Variants in MAMLD1 observed in about 807,000 individuals in gnomAD.
The protein encoded by MAMLD1 is mastermind-like domain-containing protein 1.
Under a neutral mutation model 45.0 loss-of-function variants are expected in MAMLD1, and 14 were observed. The observed-to-expected ratio is 0.31, with a 90% confidence interval of 0.21 to 0.49. The LOEUF is 0.49. Ranked by LOEUF, MAMLD1 falls within the 20% of genes least tolerant of loss-of-function variation. MAMLD1 has a pLI of 0.99. For synonymous variants in MAMLD1, 254 were observed against 247.8 expected (o/e 1.02, Z -0.24); for missense variants, 543 against 603.6 (o/e 0.90, Z 1.05).
chrX:150,392,971 T>C (rs1369070803), intron 1 of MAMLD1, among the ~76,000 whole-genome samples: 4 of 110,581 alleles, frequency 3.6e-5, no homozygotes, highest in African/African-American at 1.3e-4. Context: ...TCACCCAAAG[T>C]CCATAGTCTA....
rs1309995659 is a variant in MAMLD1, at chrX:150,482,026, AAGAAAG to A, written c.2040+8226_2040+8231del. Among the ~76,000 whole-genome samples, 110 of 109,414 alleles carry A rather than the reference AAGAAAG, an allele frequency of 1.0e-3. 1 individual carries two copies. The highest frequency in any genetic ancestry group is 3.4e-3 in the African/African-American group (101 of 29,760). On this transcript the variant is annotated intron_variant, in intron 5 of 7. Transcript: ENST00000370401. ...AAAGAAAGAAAGAAAGAAAGAAAGA[AAGAAAG>A]AATTGAAAGCAGGGGCTCAACCAGT...
chrX:150,494,121 C>A lies in MAMLD1; in HGVS notation c.2041-9153C>A, dbSNP rs1250778830. ...ATAAGGAAGTAAAAAATGGGCCGGG[C>A]ACGGTGGCTCAAGCCTGTAATCCCA... On this transcript the variant is annotated intron_variant, in intron 5 of 7. Transcript: ENST00000370401. 3.6e-5 allele frequency among the ~76,000 whole-genome samples: 4 copies of A among 111,911 alleles called. No homozygotes were observed. The Admixed American group carries it at 3.8e-4, about 11-fold the overall frequency.
chrX:150,369,609 C>T (rs1212386577), intron 1 of MAMLD1, among the ~76,000 whole-genome samples: 4 of 112,425 alleles, frequency 3.6e-5, no homozygotes, highest in Non-Finnish European at 7.5e-5. Context: ...TCCAGTACTC[C>T]TATTGATGGC....
At chrX:150,458,553 C>G (rs1158574982) in intron 2 of MAMLD1, among the ~76,000 whole-genome samples, 1 of 111,607 alleles carries the variant, frequency 9.0e-6, no homozygotes, top group Non-Finnish European at 1.9e-5. Flanking sequence ...AGCTTCAGTC[C>G]CAAAACTAGA....
At chrX:150,441,163 A>G (rs975677904) in intron 1 of MAMLD1, among the ~76,000 whole-genome samples, 20 of 107,951 alleles carry the variant, frequency 1.9e-4, no homozygotes, top group Non-Finnish European at 3.4e-4. Flanking sequence ...TGGGGTGTCC[A>G]TTATCGCTAA....
At chrX:150,472,952 C>A (rs2036473939) in intron 4 of MAMLD1, among the ~76,000 whole-genome samples, 1 of 111,597 alleles carries the variant, frequency 9.0e-6, no homozygotes, top group Non-Finnish European at 1.9e-5. Flanking sequence ...ATACAGTTGA[C>A]CCTTAACTGG....
intron 1 of MAMLD1, among the ~76,000 whole-genome samples, chrX:150,382,065 C>G (rs1557401693): frequency 2.7e-5 from 3 of 110,837 alleles, no homozygotes; most frequent in Admixed American, 1.9e-4. Flanking sequence ...GAACTCTACC[C>G]CAAGTCTTAG....
chrX:150,386,104 CT>C lies in MAMLD1; in HGVS notation c.-64+22586del, dbSNP rs35146517. On this transcript the variant is annotated intron_variant, in intron 1 of 7. Transcript: ENST00000370401. The stretch of plus-strand genomic sequence containing the variant: ...TATCTTGAAATCCTTCAACACCCAT[CT>C]TTTTTTTTTTTGCCATATCCACAAC... Among the ~76,000 whole-genome samples the C allele has an allele frequency of 6.0e-3, 615 of 102,334 alleles. 2 individuals carry two copies. The highest frequency in any genetic ancestry group is 0.042 in the Middle Eastern group (8 of 192). 88.9% of individuals were successfully genotyped at this position (102,334 alleles called of 115,157 possible). A position where few individuals can be genotyped will look rare whatever the true frequency, so the allele number is the denominator to read the frequency against.
chrX:150,390,131 T>C (rs1222388166), intron 1 of MAMLD1, among the ~76,000 whole-genome samples: 1 of 111,552 alleles, frequency 9.0e-6, no homozygotes, highest in Non-Finnish European at 1.9e-5. Flanking sequence ...AGTGGTGCAA[T>C]CGTTGCTCAC....
At chrX:150,413,726 C>T (rs782715646) in intron 1 of MAMLD1, among the ~76,000 whole-genome samples, 6 of 110,422 alleles carry the variant, frequency 5.4e-5, no homozygotes, top group Non-Finnish European at 9.5e-5. Flanking sequence ...AGAGACACCA[C>T]ACCCCTGGAG....
upstream of MAMLD1, chrX:150,362,922 C>T (rs1163134244): frequency 8.8e-6 from 1 of 113,231 alleles, no homozygotes; most frequent in African/African-American, 3.2e-5. Flanking sequence ...CCCTCCGATC[C>T]CTCCCCAGCT....
chrX:150,482,005 A>AAAG (rs1227450459), intron 5 of MAMLD1, among the ~76,000 whole-genome samples: 3 of 107,674 alleles, frequency 2.8e-5, no homozygotes, highest in Non-Finnish European at 5.7e-5. Flanking sequence ...AGAAAGAAAG[A>AAAG]AAGAAAGAAA....
intron 2 of MAMLD1, among the ~76,000 whole-genome samples, chrX:150,455,231 T>C (rs1557405272): frequency 8.9e-6 from 1 of 112,490 alleles, no homozygotes; most frequent in Non-Finnish European, 1.9e-5. Context: ...AAATGCGCAC[T>C]TTTAAAAAAG....
At chrX:150,390,089 G>C (rs782649854) in intron 1 of MAMLD1, among the ~76,000 whole-genome samples, 1 of 111,183 alleles carries the variant, frequency 9.0e-6, no homozygotes, top group East Asian at 2.8e-4. Context: ...GTTTTTTTGA[G>C]ACAAATTTGC....
chrX:150,441,972 T>C (rs2035330560), intron 1 of MAMLD1, among the ~76,000 whole-genome samples: 1 of 111,477 alleles, frequency 9.0e-6, no homozygotes. Context: ...GTTTAAAGCA[T>C]ACACATTTAA....
intron 1 of MAMLD1, among the ~76,000 whole-genome samples, chrX:150,406,612 A>G (rs2034003848): frequency 1.8e-5 from 2 of 111,904 alleles, no homozygotes; most frequent in African/African-American, 6.5e-5. Context: ...ATGTTCTAGA[A>G]TTTCTCTTTG....
intron 6 of MAMLD1, among the ~76,000 whole-genome samples, chrX:150,508,809 T>C (rs1355704684): frequency 8.9e-6 from 1 of 112,127 alleles, no homozygotes; most frequent in African/African-American, 3.2e-5. Flanking sequence ...GACTTGGAGC[T>C]TGTGCTCCCA....
chrX:150,368,720 T>A (rs1362918850), intron 1 of MAMLD1, among the ~76,000 whole-genome samples: 2 of 112,219 alleles, frequency 1.8e-5, no homozygotes, highest in South Asian at 3.7e-4. Context: ...CTTTAATCCA[T>A]CTTGAATTAA....
intron 1 of MAMLD1, among the ~76,000 whole-genome samples, chrX:150,434,460 CTT>C (rs1178621854): frequency 1.8e-5 from 2 of 110,550 alleles, no homozygotes; most frequent in Non-Finnish European, 3.8e-5. Context: ...CTCATTTGCT[CTT>C]GTTTCTCTAG....
Sources: allele counts gnomAD v4.1 joint callset (sites outside exome capture counted in the v4.1 genomes callset), GRCh38; gene constraint gnomAD v4.1.1; transcripts MANE v1.5; gene names NCBI Gene and HGNC (gene_info 2026-07-23, HGNC 2026-07-21).